Variants in SPAG16 observed in about 807,000 individuals in gnomAD.
The protein encoded by SPAG16 is sperm-associated antigen 16 protein.
SPAG16 carries 86 observed loss-of-function variants against 80.4 expected under a neutral mutation model. The observed-to-expected ratio is 1.07, with a 90% confidence interval of 0.90 to 1.28. The LOEUF is 1.28. Ranked by LOEUF, SPAG16 falls within the 50% of genes most tolerant of loss-of-function variation. The pLI, the probability that SPAG16 is intolerant of heterozygous loss-of-function variation, is 0.00. For synonymous variants in SPAG16, 294 were observed against 265.9 expected (o/e 1.11, Z -1.03); for missense variants, 870 against 765.3 (o/e 1.14, Z -1.61).
In SPAG16 at chr2:214,121,559, A is replaced by G. The variant is rs565934323; in HGVS notation, c.1593+13298A>G. Among the ~76,000 whole-genome samples the G allele has an allele frequency of 2.6e-5, 4 of 152,006 alleles. No individual in the cohort carries two copies. In the South Asian group the frequency reaches 8.3e-4, roughly 31 times the overall value. The stretch of plus-strand genomic sequence containing the variant: ...TTTAAAATGAGTGACAAAAGAACAG[A>G]GAATATTAGATAATACATACAATGT... On this transcript the variant is annotated intron_variant, in intron 14 of 15. Coordinates refer to ENST00000331683, the MANE Select transcript of SPAG16 (RefSeq NM_024532.5).
Position 214,309,006 on chromosome 2 carries a change from A to C in SPAG16, c.1721-101134A>C, listed in dbSNP as rs182343003. On this transcript the variant is annotated intron_variant, in intron 15 of 15. Transcript: ENST00000331683. Reference sequence around the variant, plus strand: ...TTTCCCAATTGGTTTCATTCTCCCCATCTCTTTCAGGTACACCAAGACATT... The same window carrying C: ...TTTCCCAATTGGTTTCATTCTCCCCCTCTCTTTCAGGTACACCAAGACATT... Among the ~76,000 whole-genome samples the C allele has an allele frequency of 1.1e-4, 17 of 151,336 alleles. No individual in the cohort carries two copies. The East Asian group carries it at 2.9e-3, about 26-fold the overall frequency.
chr2:214,282,835 A>G (rs1693056817), intron 15 of SPAG16, among the ~76,000 whole-genome samples: 1 of 152,184 alleles, frequency 6.6e-6, no homozygotes, highest in Admixed American at 6.5e-5. Context: ...AAACTGTGAG[A>G]CACTATGTAG....
intron 10 of SPAG16, among the ~76,000 whole-genome samples, chr2:213,807,064 T>C (rs2071813145): frequency 6.6e-6 from 1 of 152,216 alleles, no homozygotes; most frequent in South Asian, 2.1e-4. Flanking sequence ...CTTCTACATC[T>C]GGCTTATCCT....
chr2:213,943,655 C>T (rs535117766), intron 12 of SPAG16, among the ~76,000 whole-genome samples: 200 of 152,262 alleles, frequency 1.3e-3, no homozygotes, highest in Non-Finnish European at 2.3e-3. Context: ...AGCTTGGTTC[C>T]TCCTGACTGC....
intron 13 of SPAG16, among the ~76,000 whole-genome samples, chr2:214,055,329 A>G (rs1373683169): frequency 6.6e-6 from 1 of 152,178 alleles, no homozygotes; most frequent in Non-Finnish European, 1.5e-5. Flanking sequence ...AGATTTCATT[A>G]TCGAATAGCC....
chr2:213,919,316 C>G (rs2078105689), intron 11 of SPAG16, among the ~76,000 whole-genome samples: 1 of 151,778 alleles, frequency 6.6e-6, no homozygotes, highest in Non-Finnish European at 1.5e-5. Flanking sequence ...TTGCTTATTT[C>G]TTCTGTTAGT....
chr2:213,857,754 A>G (rs2075238837), intron 10 of SPAG16, among the ~76,000 whole-genome samples: 1 of 152,234 alleles, frequency 6.6e-6, no homozygotes, highest in Non-Finnish European at 1.5e-5. Context: ...GTAAGGCTAT[A>G]GCTGCCATAG....
chr2:213,373,018 T>G (rs2066717426), intron 8 of SPAG16, among the ~76,000 whole-genome samples: 1 of 152,174 alleles, frequency 6.6e-6, no homozygotes, highest in Non-Finnish European at 1.5e-5. Context: ...GTTTATTTGC[T>G]GTTTGTTTTA....
intron 10 of SPAG16, among the ~76,000 whole-genome samples, chr2:213,854,172 A>T (rs1281295198): frequency 1.3e-5 from 2 of 152,180 alleles, no homozygotes; most frequent in Non-Finnish European, 2.9e-5. Flanking sequence ...GTAATGTACG[A>T]TGTTTATCAA....
intron 14 of SPAG16, among the ~76,000 whole-genome samples, chr2:214,117,339 A>C (rs2053981720): frequency 6.6e-6 from 1 of 152,134 alleles, no homozygotes; most frequent in African/African-American, 2.4e-5. Context: ...AATAAAAATA[A>C]AGAAGTTACA....
intron 13 of SPAG16, among the ~76,000 whole-genome samples, chr2:214,055,855 A>T (rs1257053327): frequency 6.6e-6 from 1 of 152,198 alleles, no homozygotes; most frequent in Non-Finnish European, 1.5e-5. Context: ...TGAATGAGAA[A>T]TTGAAGGGAA....
chr2:213,721,348 T>C (rs2162507), intron 10 of SPAG16, among the ~76,000 whole-genome samples: 141,338 of 152,014 alleles, frequency 0.93, 66,576 homozygotes, highest in East Asian at 1. Flanking sequence ...ATCTGCACAC[T>C]TCGGCCTCCC....
intron 15 of SPAG16, among the ~76,000 whole-genome samples, chr2:214,382,604 C>T (rs752299977): frequency 6.6e-6 from 1 of 152,200 alleles, no homozygotes; most frequent in Non-Finnish European, 1.5e-5. Flanking sequence ...GCACCATCCT[C>T]TCTCAGCAAC....
At position 214,005,030 on chromosome 2, in the gene SPAG16, A is replaced by T. The variant is rs141069717; in HGVS notation, c.1401-8921A>T. ...TCAATAAATGTCTGCTTAAATTATA[A>T]TGTAAGATGTAGGAAGTGTTGAGTT... On this transcript the variant is annotated intron_variant, in intron 12 of 15. Coordinates refer to ENST00000331683, the MANE Select transcript of SPAG16 (RefSeq NM_024532.5). Among the ~76,000 whole-genome samples, 18 of 152,250 alleles carry T rather than the reference A, an allele frequency of 1.2e-4. No homozygotes were observed. The East Asian group carries it at 3.5e-3, about 29-fold the overall frequency.
intron 15 of SPAG16, among the ~76,000 whole-genome samples, chr2:214,319,844 G>T (rs1332137735): frequency 6.6e-6 from 1 of 152,188 alleles, no homozygotes; most frequent in East Asian, 1.9e-4. Context: ...CTGATACTGT[G>T]ATACTGCAGT....
intron 13 of SPAG16, among the ~76,000 whole-genome samples, chr2:214,044,137 T>C (rs1219466092): frequency 3.3e-5 from 5 of 152,194 alleles, no homozygotes; most frequent in Non-Finnish European, 7.3e-5. Flanking sequence ...CATTTTCTTG[T>C]TGTTTTCCAA....
chr2:214,222,289 G>T (rs137933426), intron 15 of SPAG16, among the ~76,000 whole-genome samples: 2,531 of 151,936 alleles, frequency 0.017, 43 homozygotes, highest in African/African-American at 0.039. Flanking sequence ...GCTAATTTGT[G>T]TATTTTTAGT....
intron 11 of SPAG16, among the ~76,000 whole-genome samples, chr2:213,896,585 C>T (rs62191879): frequency 0.65 from 83,347 of 128,984 alleles, 26,337 homozygotes; most frequent in South Asian, 0.86. Flanking sequence ...TATATACACA[C>T]ACACACGCAC....
At position 213,979,328 on chromosome 2, in the gene SPAG16, T is replaced by C. The variant is rs2045576137; in HGVS notation, c.1401-34623T>C. Among the ~76,000 whole-genome samples, 4 of 152,090 alleles carry C rather than the reference T, an allele frequency of 2.6e-5. No homozygotes were observed. In the South Asian group the frequency reaches 6.2e-4, roughly 24 times the overall value. Reference sequence around the variant, plus strand: ...GTTTGTCTCAGGGAAATTAAGACTCTTATCCAAGACATTACCAAGACAATT... The same window carrying C: ...GTTTGTCTCAGGGAAATTAAGACTCCTATCCAAGACATTACCAAGACAATT... On this transcript the variant is annotated intron_variant, in intron 12 of 15. Coordinates refer to ENST00000331683, the MANE Select transcript of SPAG16 (RefSeq NM_024532.5).
Sources: allele counts gnomAD v4.1 joint callset (sites outside exome capture counted in the v4.1 genomes callset), GRCh38; gene constraint gnomAD v4.1.1; transcripts MANE v1.5; gene names NCBI Gene and HGNC (gene_info 2026-07-23, HGNC 2026-07-21).